NDST4: variants seen among roughly 807,000 people sequenced by gnomAD.
NDST4 encodes the protein N-heparan sulfate sulfotransferase 4.
In NDST4, 63 loss-of-function variants were observed where a neutral mutation model predicts 100.8. The observed-to-expected ratio is 0.62, with a 90% confidence interval of 0.51 to 0.77. The LOEUF is 0.77. NDST4 is among the 30% of genes least tolerant of loss of function. NDST4 has a pLI of 0.00. For synonymous variants in NDST4, 377 were observed against 361.8 expected, an observed-to-expected ratio of 1.04 and a Z score of -0.48; for missense variants, 943 against 1,018.4, an observed-to-expected ratio of 0.93 and a Z score of 1.01.
intron 1 of NDST4, among the ~76,000 whole-genome samples, chr4:115,079,186 C>T (rs1171892611): frequency 6.6e-6 from 1 of 151,856 alleles, no homozygotes; most frequent in Non-Finnish European, 1.5e-5. Flanking sequence ...CCCGTCTCTA[C>T]TAAAAAAGTA....
At chr4:115,112,224 T>C (rs994804371) in intron 1 of NDST4, among the ~76,000 whole-genome samples, 34 of 150,862 alleles carry the variant, frequency 2.3e-4, no homozygotes, top group African/African-American at 7.6e-4. Flanking sequence ...AACCTTTACA[T>C]CGTTGTGGGA....
At chr4:115,049,364 C>T (rs78818835) in intron 2 of NDST4, among the ~76,000 whole-genome samples, 2,793 of 151,888 alleles carry the variant, frequency 0.018, 93 homozygotes, top group African/African-American at 0.064. Context: ...AGTACATAGG[C>T]AAATTGAGGA....
intron 7 of NDST4, among the ~76,000 whole-genome samples, chr4:114,860,076 G>A (rs1400520407): frequency 6.6e-6 from 1 of 152,098 alleles, no homozygotes; most frequent in African/African-American, 2.4e-5. Context: ...ACCATATTAT[G>A]TTAGAATTTA....
chr4:114,930,220 G>T (rs1725484648), intron 6 of NDST4, among the ~76,000 whole-genome samples: 1 of 152,154 alleles, frequency 6.6e-6, no homozygotes, highest in Admixed American at 6.5e-5. Flanking sequence ...CTCAGATATA[G>T]CTTTGGTTGG....
intron 2 of NDST4, among the ~76,000 whole-genome samples, chr4:115,013,007 G>A (rs1727587821): frequency 6.7e-6 from 1 of 149,822 alleles, no homozygotes; most frequent in South Asian, 2.2e-4. Flanking sequence ...AAATTAAAAC[G>A]ATTGAACTCA....
At chr4:114,918,352 A>C (rs1009814769) in intron 6 of NDST4, among the ~76,000 whole-genome samples, 1 of 137,690 alleles carries the variant, frequency 7.3e-6, no homozygotes, top group African/African-American at 2.7e-5. Context: ...TTCTAGAATC[A>C]AACCACAGGA....
intron 2 of NDST4, among the ~76,000 whole-genome samples, chr4:115,055,809 A>G (rs1433783427): frequency 1.3e-5 from 2 of 152,164 alleles, no homozygotes; most frequent in Non-Finnish European, 2.9e-5. Context: ...AATGAGCCAG[A>G]AAGAGTAAGT....
At chr4:114,948,073 A>G (rs374006364) in intron 4 of NDST4, among the ~76,000 whole-genome samples, 4 of 152,132 alleles carry the variant, frequency 2.6e-5, no homozygotes, top group African/African-American at 9.7e-5. Context: ...TAATTCAAAG[A>G]CATCACTTTG....
intron 2 of NDST4, among the ~76,000 whole-genome samples, chr4:115,045,313 C>T (rs577200689): frequency 6.6e-6 from 1 of 152,180 alleles, no homozygotes; most frequent in African/African-American, 2.4e-5. Context: ...AATCAAGCTG[C>T]CTATGTTGTG....
At chr4:115,068,063 GAGA>G (rs1434768819) in intron 2 of NDST4, among the ~76,000 whole-genome samples, 2 of 151,986 alleles carry the variant, frequency 1.3e-5, no homozygotes, top group Non-Finnish European at 2.9e-5. Flanking sequence ...TCCCTACAAA[GAGA>G]AGATTTCAAA....
chr4:114,960,139 A>T (rs1396656376), intron 4 of NDST4, among the ~76,000 whole-genome samples: 3 of 152,244 alleles, frequency 2.0e-5, no homozygotes, highest in Admixed American at 2.0e-4. Flanking sequence ...AGAAAATAGT[A>T]AATCAGTAAT....
Position 114,856,128 on chromosome 4 carries a change from A to T in NDST4, c.1720-3307T>A, listed in dbSNP as rs151210498. Among the ~76,000 whole-genome samples, 112 of 151,580 alleles carry T rather than the reference A, an allele frequency of 7.4e-4. 1 individual carries two copies. Among genetic ancestry groups the T allele is most frequent in the African/African-American group, 2.4e-3 (101 of 41,324 alleles). On this transcript the variant is annotated intron_variant, in intron 7 of 13. Transcript: ENST00000264363. The stretch of plus-strand genomic sequence containing the variant: ...CCCAGGCTGGAGTGCAGTGGTGCCA[A>T]CTCGGCTCACTGCAACCTTCTCTTC...
intron 6 of NDST4, among the ~76,000 whole-genome samples, chr4:114,904,792 C>G (rs1724915707): frequency 6.6e-6 from 1 of 151,746 alleles, no homozygotes; most frequent in East Asian, 1.9e-4. Flanking sequence ...CATGTCATAT[C>G]TATATTCTCT....
intron 7 of NDST4, among the ~76,000 whole-genome samples, chr4:114,863,267 T>G (rs1257524501): frequency 6.6e-6 from 1 of 152,254 alleles, no homozygotes; most frequent in Admixed American, 6.5e-5. Context: ...TTATCCCTTC[T>G]TGATAGCTGA....
rs754546162 is a variant in NDST4 at position 114,935,245 on chromosome 4, G to A, written c.1497C>T (p.Ile499=). The change falls in exon 6 of 14, where the codon ATC becomes ATT. Residue 499 remains isoleucine, a synonymous_variant. Coordinates refer to ENST00000264363, the MANE Select transcript of NDST4 (RefSeq NM_022569.3). Reference sequence around the variant, plus strand: ...TTGTGAGAAAAAGTTCACCTCCTCTGATACTTTTATCCAGTTCTTGGGGTC... The same window carrying A: ...TTGTGAGAAAAAGTTCACCTCCTCTAATACTTTTATCCAGTTCTTGGGGTC... ...PGGPQELDKS[I]RGGELFLTIL... 9 of 1,609,388 alleles carry A rather than the reference G, an allele frequency of 5.6e-6. No individual in the cohort carries two copies. Among genetic ancestry groups the A allele is most frequent in the Non-Finnish European group, 7.6e-6 (9 of 1,177,836 alleles).
intron 2 of NDST4, among the ~76,000 whole-genome samples, chr4:115,023,192 C>T (rs765101614): frequency 3.3e-5 from 5 of 151,996 alleles, no homozygotes; most frequent in East Asian, 3.9e-4. Flanking sequence ...CACTGAAGAA[C>T]GTATTCCTGT....
intron 1 of NDST4, among the ~76,000 whole-genome samples, chr4:115,091,493 ACAC>A (rs1729518150): frequency 6.6e-6 from 1 of 152,100 alleles, no homozygotes; most frequent in South Asian, 2.1e-4. Context: ...GAAAGAAAAA[ACAC>A]AAGAGCTATA....
At chr4:115,070,400 TG>T (rs914822789) in intron 2 of NDST4, among the ~76,000 whole-genome samples, 50 of 152,106 alleles carry the variant, frequency 3.3e-4, no homozygotes, top group African/African-American at 1.2e-3. Context: ...TGACAGATAC[TG>T]GAGGGTGGAG....
At chr4:114,848,433 C>G (rs953402272) in intron 8 of NDST4, 95 bp from the exon 9 acceptor site, 2 of 951,990 alleles carry the variant, frequency 2.1e-6, no homozygotes, top group African/African-American at 3.3e-5. Flanking sequence ...TTAAAATAAT[C>G]AACTATTTCC....
Sources: gnomAD v4.1 joint callset for allele counts (sites outside exome capture counted in the v4.1 genomes callset) on GRCh38, gnomAD v4.1.1 for gene constraint, MANE v1.5 for transcripts, NCBI Gene and HGNC (gene_info 2026-07-23, HGNC 2026-07-21) for gene names.